CNIH3: variants seen among roughly 807,000 people sequenced by gnomAD.
The protein encoded by CNIH3 is protein cornichon homolog 3.
A neutral mutation model predicts 24.1 loss-of-function variants in CNIH3; 14 were observed. The observed-to-expected ratio is 0.58, with a 90% CI of 0.38 to 0.91. CNIH3 has a LOEUF of 0.91. Among genes scored for constraint, CNIH3 ranks in the 40% least tolerant of loss-of-function variants. CNIH3 has a pLI of 0.00. For missense variants in CNIH3, 178 were observed against 196.8 expected (o/e 0.90, Z 0.57); for synonymous variants, 68 against 73.8 (o/e 0.92, Z 0.40).
intron 2 of CNIH3, among the ~76,000 whole-genome samples, chr1:224,524,693 C>G (rs1328980475): frequency 6.6e-6 from 1 of 152,054 alleles, no homozygotes; most frequent in Non-Finnish European, 1.5e-5. Context: ...AAATGAGAAG[C>G]CAAGGGGTGG....
At chr1:224,620,417 T>A (rs568282759) in intron 1 of CNIH3, among the ~76,000 whole-genome samples, 1 of 152,248 alleles carries the variant, frequency 6.6e-6, no homozygotes, top group Admixed American at 6.5e-5. Flanking sequence ...TCACTATTTT[T>A]GGATTCATAA....
intron 2 of CNIH3, among the ~76,000 whole-genome samples, chr1:224,683,932 T>C (rs190172031): frequency 6.6e-6 from 1 of 152,362 alleles, no homozygotes; most frequent in African/African-American, 2.4e-5. Context: ...TCCTCTGGGC[T>C]TACAGGATGC....
At chr1:224,686,475 A>C (rs1482604405) in intron 3 of CNIH3, among the ~76,000 whole-genome samples, 2 of 152,184 alleles carry the variant, frequency 1.3e-5, no homozygotes, top group Admixed American at 6.5e-5. Context: ...ATACGTGTGC[A>C]TGTGTCTTTA....
chr1:224,448,071 G>C (rs1675238436), intron 1 of CNIH3, among the ~76,000 whole-genome samples: 1 of 152,094 alleles, frequency 6.6e-6, no homozygotes, highest in South Asian at 2.1e-4. Context: ...GGCTGGAGGA[G>C]GAGAAAATGG....
chr1:224,601,601 G>GC (rs1276521250), intron 3 of CNIH3, among the ~76,000 whole-genome samples: 1 of 145,404 alleles, frequency 6.9e-6, no homozygotes, highest in African/African-American at 2.9e-5. Flanking sequence ...TCCTAGTGTA[G>GC]GGGGGTCATG....
At position 224,444,707 on chromosome 1, in the gene CNIH3, C is replaced by T. The variant is rs113227753; in HGVS notation, n.203+9845C>T. On this transcript the variant is annotated intron_variant and non_coding_transcript_variant, in intron 1 of 5. Transcript: ENST00000471578. ...TCACCCAGGCTGGAGTGCAGTAGCG[C>T]GATCTCGGCTCACTGCAACCTTCGA... 6.3e-3 allele frequency among the ~76,000 whole-genome samples: 962 copies of T among 151,636 alleles called. 11 individuals carry two copies. The highest frequency in any genetic ancestry group is 0.022 in the African/African-American group (904 of 41,298).
chr1:224,591,354 T>C (rs1318243008), downstream of CNIH3, among the ~76,000 whole-genome samples: 2 of 152,174 alleles, frequency 1.3e-5, no homozygotes, highest in Non-Finnish European at 2.9e-5. Context: ...ACTCCCTGGG[T>C]TTGAATCCTA....
At chr1:224,596,650 A>G (rs1681991649) in intron 3 of CNIH3, among the ~76,000 whole-genome samples, 2 of 152,154 alleles carry the variant, frequency 1.3e-5, no homozygotes, top group Admixed American at 6.5e-5. Flanking sequence ...ACTGTTTTGT[A>G]TATGTTTTTG....
chr1:224,586,693 A>G (rs1169449691), intron 5 of CNIH3, among the ~76,000 whole-genome samples: 1 of 152,206 alleles, frequency 6.6e-6, no homozygotes, highest in East Asian at 1.9e-4. Flanking sequence ...TTATTTGGAA[A>G]TAGGGTCTTT....
intron 5 of CNIH3, 79 bp downstream of exon 5, chr1:224,734,785 C>CAG: frequency 6.7e-7 from 1 of 1,491,816 alleles, no homozygotes; most frequent in Non-Finnish European, 9.3e-7. Context: ...TGGGAGGCGT[C>CAG]CTTTGGGAGA....
rs1487155203 is a variant in CNIH3, at chr1:224,599,573, ATAAT to A, written n.402+33311_402+33314del. 3.3e-5 allele frequency among the ~76,000 whole-genome samples: 5 copies of A among 151,916 alleles called. No individual in the cohort carries two copies. The East Asian group carries it at 7.7e-4, about 23-fold the overall frequency. On this transcript the variant is annotated intron_variant and non_coding_transcript_variant, in intron 3 of 7. Coordinates refer to the CNIH3 transcript ENST00000478120. The stretch of plus-strand genomic sequence containing the variant: ...TATATAGATTTATATAAATAAGTTC[ATAAT>A]TTATTTGATCACAATCATTTTGCAT...
At chr1:224,686,609 C>G (rs1572722155) in intron 3 of CNIH3, among the ~76,000 whole-genome samples, 1 of 152,202 alleles carries the variant, frequency 6.6e-6, no homozygotes, top group South Asian at 2.1e-4. Flanking sequence ...TGGATCAAGA[C>G]AAAACCAAAG....
chr1:224,504,750 T>C (rs1677823486), intron 1 of CNIH3, among the ~76,000 whole-genome samples: 1 of 152,212 alleles, frequency 6.6e-6, no homozygotes, highest in Non-Finnish European at 1.5e-5. Context: ...CTCTGTGACC[T>C]TGGGGTAAGT....
intron 3 of CNIH3, among the ~76,000 whole-genome samples, chr1:224,686,073 T>C (rs1191111181): frequency 1.3e-5 from 2 of 151,850 alleles, no homozygotes; most frequent in African/African-American, 4.8e-5. Context: ...TTGTTACATA[T>C]GTATACATGT....
At chr1:224,608,142 T>C (rs1015566781) in intron 3 of CNIH3, among the ~76,000 whole-genome samples, 11 of 152,082 alleles carry the variant, frequency 7.2e-5, no homozygotes, top group African/African-American at 2.7e-4. Context: ...GAACGTTTAT[T>C]AAAAAGCTTT....
intron 1 of CNIH3, among the ~76,000 whole-genome samples, chr1:224,650,084 G>A (rs903636763): frequency 2.0e-5 from 3 of 152,198 alleles, no homozygotes; most frequent in Non-Finnish European, 4.4e-5. Flanking sequence ...GAAGTGTTGT[G>A]TGTCAAGTGC....
chr1:224,462,824 G>T (rs1391302283), intron 1 of CNIH3, among the ~76,000 whole-genome samples: 1 of 149,174 alleles, frequency 6.7e-6, no homozygotes, highest in Non-Finnish European at 1.5e-5. Context: ...TATTTTTATT[G>T]TAGACATGGG....
intron 1 of CNIH3, among the ~76,000 whole-genome samples, chr1:224,660,651 C>T (rs12041370): frequency 0.18 from 26,991 of 152,082 alleles, 2,564 homozygotes; most frequent in African/African-American, 0.24. Context: ...CAAGACCTAC[C>T]AAATTGCCAG....
intron 1 of CNIH3, among the ~76,000 whole-genome samples, chr1:224,671,167 A>G (rs1243994040): frequency 6.6e-6 from 1 of 152,158 alleles, no homozygotes; most frequent in Non-Finnish European, 1.5e-5. Context: ...TCCTTAAAAC[A>G]GATATTTTTC....
Sources: gnomAD v4.1 joint callset for allele counts (sites outside exome capture counted in the v4.1 genomes callset) on GRCh38, gnomAD v4.1.1 for gene constraint, MANE v1.5 for transcripts, NCBI Gene and HGNC (gene_info 2026-07-23, HGNC 2026-07-21) for gene names.